SLC14A2: variants seen among roughly 807,000 people sequenced by gnomAD.
SLC14A2 encodes the protein urea transporter 2.
A neutral mutation model predicts 104.6 loss-of-function variants in SLC14A2; 91 were observed. The ratio of observed to expected loss-of-function variants is 0.87; its 90% CI spans 0.73 to 1.04. The LOEUF (loss-of-function observed/expected upper bound fraction) is 1.04, where lower values mean the gene tolerates loss of function less well. Among genes scored for constraint, SLC14A2 ranks in the 50% least tolerant of loss-of-function variants. The probability of loss-of-function intolerance (pLI) is 0.00; values close to 1 mark genes in which losing one functional copy is unlikely to be tolerated. For synonymous variants in SLC14A2, 476 were observed against 466.4 expected (o/e 1.02, Z -0.27); for missense variants, 1,189 against 1,156.0 (o/e 1.03, Z -0.41).
chr18:45,559,508 C>A (rs1377880664), intron 2 of SLC14A2, among the ~76,000 whole-genome samples: 1 of 152,120 alleles, frequency 6.6e-6, no homozygotes, highest in Non-Finnish European at 1.5e-5. Context: ...ACCATCTGGC[C>A]ACTTTGTGGG....
chr18:45,203,646 G>C, the SLC14A2 span, among the ~76,000 whole-genome samples: 1 of 152,114 alleles, frequency 6.6e-6, no homozygotes, highest in Non-Finnish European at 1.5e-5. Flanking sequence ...TACTTTTGGT[G>C]GCATGGAGAA....
chr18:45,655,434 C>T (rs975848631), intron 10 of SLC14A2, among the ~76,000 whole-genome samples: 5 of 152,198 alleles, frequency 3.3e-5, no homozygotes, highest in African/African-American at 9.6e-5. Context: ...ACCCTGGCCT[C>T]GTTGGACCCC....
intron 1 of SLC14A2, among the ~76,000 whole-genome samples, chr18:45,403,676 G>A (rs375656893): frequency 2.0e-5 from 3 of 148,032 alleles, no homozygotes; most frequent in South Asian, 2.1e-4. Flanking sequence ...TAACTCTGGG[G>A]AAAAAAAAAA....
At chr18:45,638,800 C>A (rs763250046) in intron 6 of SLC14A2, among the ~76,000 whole-genome samples, 2 of 152,242 alleles carry the variant, frequency 1.3e-5, no homozygotes, top group Non-Finnish European at 2.9e-5. Context: ...GCCAAGCCAG[C>A]CTCTTGTTAC....
rs149965976 is a variant in SLC14A2 at position 45,521,340 on chromosome 18, A to G, written c.-35+38018A>G. Reference sequence around the variant, plus strand: ...TGCAGTTTCTGGCATTGTGCTAAGGACTACTGGGAATGCAGAATACATAAC... The same window carrying G: ...TGCAGTTTCTGGCATTGTGCTAAGGGCTACTGGGAATGCAGAATACATAAC... On this transcript the variant is annotated intron_variant, in intron 2 of 20. Coordinates refer to the SLC14A2 transcript ENST00000586448. 7.7e-4 allele frequency among the ~76,000 whole-genome samples: 117 copies of G among 152,314 alleles called. 1 individual carries two copies. Among genetic ancestry groups the G allele is most frequent in the African/African-American group, 2.7e-3 (114 of 41,580 alleles).
At chr18:45,332,205 G>A (rs546119373) in intron 1 of SLC14A2, among the ~76,000 whole-genome samples, 87 of 152,162 alleles carry the variant, frequency 5.7e-4, no homozygotes, top group Non-Finnish European at 9.4e-4. Flanking sequence ...AATACAGTTG[G>A]CCCTCTGTAT....
At chr18:45,562,969 T>C (rs2044220292) in intron 2 of SLC14A2, among the ~76,000 whole-genome samples, 1 of 152,256 alleles carries the variant, frequency 6.6e-6, no homozygotes, top group Non-Finnish European at 1.5e-5. Context: ...ATCCCTGTGC[T>C]ATTAATTTTT....
intron 1 of SLC14A2, among the ~76,000 whole-genome samples, chr18:45,478,233 AG>A (rs1598885423): frequency 6.6e-6 from 1 of 152,190 alleles, no homozygotes; most frequent in Non-Finnish European, 1.5e-5. Context: ...CTTGAATAGA[AG>A]AGGGAGTTCT....
intron 1 of SLC14A2, among the ~76,000 whole-genome samples, chr18:45,374,759 T>G (rs2036766433): frequency 6.6e-6 from 1 of 152,318 alleles, no homozygotes; most frequent in Middle Eastern, 3.4e-3. Flanking sequence ...CCTCCCATCC[T>G]TCAGAGCTGA....
At chr18:45,539,982 C>T (rs1047387074) in intron 2 of SLC14A2, among the ~76,000 whole-genome samples, 1 of 151,698 alleles carries the variant, frequency 6.6e-6, no homozygotes, top group East Asian at 1.9e-4. Context: ...GTCAAAAATA[C>T]GGGGTGCTGA....
At chr18:45,215,235 C>T (rs1409153708) in intron 1 of SLC14A2, among the ~76,000 whole-genome samples, 1 of 152,162 alleles carries the variant, frequency 6.6e-6, no homozygotes, top group Non-Finnish European at 1.5e-5. Context: ...TCAATATTCA[C>T]CTGCTTTCCA....
chr18:45,368,181 TCTC>T (rs760432641), intron 1 of SLC14A2, among the ~76,000 whole-genome samples: 2 of 152,096 alleles, frequency 1.3e-5, no homozygotes, highest in African/African-American at 2.4e-5. Context: ...TTTCTGCAGG[TCTC>T]CTGAGCAGTG....
chr18:45,311,284 T>A (rs2032160001), intron 1 of SLC14A2, among the ~76,000 whole-genome samples: 1 of 152,180 alleles, frequency 6.6e-6, no homozygotes, highest in South Asian at 2.1e-4. Flanking sequence ...AGTAATCATA[T>A]CAGCATACTT....
At chr18:45,365,676 A>G (rs924179036) in intron 1 of SLC14A2, among the ~76,000 whole-genome samples, 11 of 152,112 alleles carry the variant, frequency 7.2e-5, no homozygotes, top group Non-Finnish European at 2.9e-5. Flanking sequence ...CTCTTCCCCT[A>G]TGTCACTTGG....
At chr18:45,538,845 C>T (rs796774157) in intron 2 of SLC14A2, among the ~76,000 whole-genome samples, 23 of 140,458 alleles carry the variant, frequency 1.6e-4, no homozygotes, top group African/African-American at 5.8e-4. Flanking sequence ...CCTTCTCCCC[C>T]TTCCCTTTTT....
At chr18:45,288,728 G>A (rs186717313) in intron 1 of SLC14A2, among the ~76,000 whole-genome samples, 288 of 152,324 alleles carry the variant, frequency 1.9e-3, no homozygotes, top group Non-Finnish European at 3.4e-3. Flanking sequence ...GACTGACAGA[G>A]CGTCATTCTG....
chr18:45,444,682 T>C (rs2144591876), intron 1 of SLC14A2, among the ~76,000 whole-genome samples: 1 of 152,342 alleles, frequency 6.6e-6, no homozygotes, highest in Non-Finnish European at 1.5e-5. Flanking sequence ...GTGAGCCAGC[T>C]TTCTCTATTT....
chr18:45,381,547 T>A (rs1471760971), intron 1 of SLC14A2, among the ~76,000 whole-genome samples: 1 of 152,222 alleles, frequency 6.6e-6, no homozygotes, highest in African/African-American at 2.4e-5. Context: ...ACTTTTACAC[T>A]TAAGTCCATA....
chr18:45,673,930 C>A (rs2144652297), intron 18 of SLC14A2, 113 bp downstream of exon 18: 1 of 1,076,680 alleles, frequency 9.3e-7, no homozygotes, highest in Non-Finnish European at 1.3e-6. Context: ...ACACTATTTT[C>A]ACTGAATACT....
Sources: gnomAD v4.1 joint callset for allele counts (sites outside exome capture counted in the v4.1 genomes callset) on GRCh38, gnomAD v4.1.1 for gene constraint, MANE v1.5 for transcripts, NCBI Gene and HGNC (gene_info 2026-07-23, HGNC 2026-07-21) for gene names.